The following SH3BGRL2 variants were observed in gnomAD, a reference collection of about 807,000 sequenced individuals.
SH3BGRL2 encodes SH3 domain-binding glutamic acid-rich-like protein 2.
A neutral mutation model predicts 14.8 loss-of-function variants in SH3BGRL2; 21 were observed. That is an observed-to-expected ratio of 1.42 (90% CI 1.01 to 2.05). SH3BGRL2 has a LOEUF of 2.05. Ranked by LOEUF, SH3BGRL2 falls within the 30% of genes most tolerant of loss-of-function variation. SH3BGRL2 has a pLI of 0.00. For synonymous variants in SH3BGRL2, 50 were observed against 47.8 expected, an observed-to-expected ratio of 1.05 and a Z score of -0.19; for missense variants, 147 against 130.8, an observed-to-expected ratio of 1.12 and a Z score of -0.61.
At chr6:79,585,109 G>T in the SH3BGRL2 span, among the ~76,000 whole-genome samples, 5 of 150,858 alleles carry the variant, frequency 3.3e-5, no homozygotes, top group African/African-American at 1.2e-4. Context: ...TTATATAAAG[G>T]GCCATCATAT....
chr6:79,562,408 A>G, the SH3BGRL2 span, among the ~76,000 whole-genome samples: 3 of 152,306 alleles, frequency 2.0e-5, no homozygotes, highest in African/African-American at 7.2e-5. Flanking sequence ...CTATTAAACA[A>G]ATTGGTCCCT....
chr6:79,638,074 G>GCTATCT (rs1768961540), intron 1 of SH3BGRL2, among the ~76,000 whole-genome samples: 1 of 151,952 alleles, frequency 6.6e-6, no homozygotes. Flanking sequence ...ATCAAATCAG[G>GCTATCT]GTAATTGGCT....
chr6:79,682,531 G>C (rs1170263661), intron 2 of SH3BGRL2, among the ~76,000 whole-genome samples: 2 of 152,184 alleles, frequency 1.3e-5, no homozygotes, highest in African/African-American at 2.4e-5. Context: ...TAAATGGTGA[G>C]AAAATGCTAA....
At chr6:79,612,533 A>G in the SH3BGRL2 span, among the ~76,000 whole-genome samples, 1 of 152,210 alleles carries the variant, frequency 6.6e-6, no homozygotes, top group African/African-American at 2.4e-5. Context: ...AAGAATAGTT[A>G]AGGCTACCTA....
the SH3BGRL2 span, among the ~76,000 whole-genome samples, chr6:79,614,138 A>G: frequency 6.2e-4 from 95 of 152,246 alleles, 1 homozygote; most frequent in African/African-American, 2.2e-3. Flanking sequence ...TTGAGCAGAT[A>G]TTCTTTGCAT....
chr6:79,539,093 G>C, the SH3BGRL2 span, among the ~76,000 whole-genome samples: 5 of 152,032 alleles, frequency 3.3e-5, no homozygotes, highest in Non-Finnish European at 7.4e-5. Context: ...CATAGTCTCA[G>C]GATTCTTACA....
At chr6:79,685,814 A>G (rs186493086) in intron 2 of SH3BGRL2, among the ~76,000 whole-genome samples, 8 of 152,288 alleles carry the variant, frequency 5.3e-5, no homozygotes, top group East Asian at 3.9e-4. Context: ...ACAAATGTCA[A>G]TATCCAAGGG....
At chr6:79,584,860 A>G in the SH3BGRL2 span, among the ~76,000 whole-genome samples, 1 of 152,162 alleles carries the variant, frequency 6.6e-6, no homozygotes, top group Non-Finnish European at 1.5e-5. Flanking sequence ...AAATGCATGT[A>G]TCTTTTGACC....
chr6:79,550,415 G>A, the SH3BGRL2 span, among the ~76,000 whole-genome samples: 3 of 152,072 alleles, frequency 2.0e-5, no homozygotes, highest in African/African-American at 7.2e-5. Context: ...TTTCCCTAAG[G>A]TAATCCTCTG....
chr6:79,657,066 T>C (rs887021317), intron 1 of SH3BGRL2, among the ~76,000 whole-genome samples: 5 of 152,178 alleles, frequency 3.3e-5, no homozygotes, highest in Non-Finnish European at 7.4e-5. Context: ...CAGTCAATTC[T>C]GAAAGGAATG....
the SH3BGRL2 span, among the ~76,000 whole-genome samples, chr6:79,581,489 G>A: frequency 4.6e-4 from 70 of 152,092 alleles, no homozygotes; most frequent in African/African-American, 1.4e-3. Flanking sequence ...TTCAACATAC[G>A]CAAATCAATA....
chr6:79,693,131 A>G (rs985327477), intron 2 of SH3BGRL2, among the ~76,000 whole-genome samples: 2 of 152,032 alleles, frequency 1.3e-5, no homozygotes, highest in Non-Finnish European at 2.9e-5. Context: ...TGTGAATGGG[A>G]GTTCACTCAT....
intron 2 of SH3BGRL2, among the ~76,000 whole-genome samples, chr6:79,691,362 A>G (rs1187055606): frequency 1.3e-5 from 2 of 150,138 alleles, no homozygotes; most frequent in Non-Finnish European, 3.0e-5. Flanking sequence ...TTTAAATTTT[A>G]TTATTATTAT....
the SH3BGRL2 span, among the ~76,000 whole-genome samples, chr6:79,601,184 C>T: frequency 3.5e-3 from 529 of 152,230 alleles, 4 homozygotes; most frequent in African/African-American, 0.012. Context: ...AGACCACAGA[C>T]GGAAGGAATG....
the SH3BGRL2 span, among the ~76,000 whole-genome samples, chr6:79,567,973 A>C: frequency 6.6e-6 from 1 of 152,198 alleles, no homozygotes; most frequent in Non-Finnish European, 1.5e-5. Context: ...ATGACTAGTA[A>C]CATAAAAAGA....
chr6:79,572,621 A>G, the SH3BGRL2 span, among the ~76,000 whole-genome samples: 1 of 151,938 alleles, frequency 6.6e-6, no homozygotes, highest in Non-Finnish European at 1.5e-5. Context: ...GCCCGCCACC[A>G]CGCCCGGCTA....
intron 1 of SH3BGRL2, among the ~76,000 whole-genome samples, chr6:79,669,260 G>A (rs1016210237): frequency 6.6e-6 from 1 of 152,022 alleles, no homozygotes; most frequent in African/African-American, 2.4e-5. Context: ...CTTCAGCAAG[G>A]TTGTTAGAGA....
the SH3BGRL2 span, among the ~76,000 whole-genome samples, chr6:79,576,687 C>T: frequency 5.9e-5 from 9 of 152,082 alleles, no homozygotes; most frequent in South Asian, 2.1e-4. Flanking sequence ...AAAATGCACA[C>T]GTCGATAAGT....
chr6:79,646,589 A>G lies in SH3BGRL2; in HGVS notation c.45+15083A>G, dbSNP rs547941573. On this transcript the variant is annotated intron_variant, in intron 1 of 3. Transcript: ENST00000369838. ...CATAAAATTAACTTTTAAAAATTGT[A>G]TGTCCCAATGTGTTTTTGTGTGTGT... 2.0e-5 allele frequency among the ~76,000 whole-genome samples: 3 copies of G among 152,338 alleles called. No individual in the cohort carries two copies. The East Asian group carries it at 5.8e-4, about 29-fold the overall frequency.
Sources: allele counts gnomAD v4.1 joint callset (sites outside exome capture counted in the v4.1 genomes callset), GRCh38; gene constraint gnomAD v4.1.1; transcripts MANE v1.5; gene names NCBI Gene and HGNC (gene_info 2026-07-23, HGNC 2026-07-21).